The following EVL variants were observed in gnomAD, a reference collection of about 807,000 sequenced individuals.
The protein encoded by EVL is Enah/Vasp-like, also known as ena/VASP-like protein.
EVL carries 21 observed loss-of-function variants against 59.6 expected under a neutral mutation model. The ratio of observed to expected loss-of-function variants is 0.35; its 90% CI spans 0.25 to 0.51. The LOEUF is 0.51. Among genes scored for constraint, EVL ranks in the 20% least tolerant of loss-of-function variants. The probability of loss-of-function intolerance (pLI) is 0.97; values close to 1 mark genes in which losing one functional copy is unlikely to be tolerated. For synonymous variants in EVL, 198 were observed against 203.5 expected, an observed-to-expected ratio of 0.97 and a Z score of 0.23; for missense variants, 462 against 546.6, an observed-to-expected ratio of 0.85 and a Z score of 1.54.
intron 1 of EVL, among the ~76,000 whole-genome samples, chr14:100,047,145 T>TTTA (rs55650233): frequency 7.8e-6 from 1 of 128,006 alleles, no homozygotes; most frequent in South Asian, 2.5e-4. Flanking sequence ...TTTTTTTTTT[T>TTTA]ACCTGACCCC....
At chr14:100,125,308 C>G (rs866871328) in intron 4 of EVL, among the ~76,000 whole-genome samples, 1 of 151,788 alleles carries the variant, frequency 6.6e-6, no homozygotes, top group Non-Finnish European at 1.5e-5. Context: ...GGGAGACTCT[C>G]GCTTGTCCCA....
chr14:100,020,220 T>G (rs1371445312), intron 1 of EVL, among the ~76,000 whole-genome samples: 1 of 152,166 alleles, frequency 6.6e-6, no homozygotes, highest in African/African-American at 2.4e-5. Context: ...CTGATAGTGT[T>G]TTGTTAACAG....
At chr14:99,980,336 A>G (rs1041794489) in intron 1 of EVL, among the ~76,000 whole-genome samples, 13 of 152,210 alleles carry the variant, frequency 8.5e-5, no homozygotes, top group Non-Finnish European at 1.9e-4. Flanking sequence ...AGGCATCTGG[A>G]TCCCAACATC....
intron 1 of EVL, among the ~76,000 whole-genome samples, chr14:100,075,344 T>G (rs150024512): frequency 6.6e-6 from 1 of 152,374 alleles, no homozygotes; most frequent in Non-Finnish European, 1.5e-5. Flanking sequence ...CAGTGTGGGC[T>G]GCTCCGCTCC....
At chr14:100,141,157 C>G in intron 11 of EVL, 23 bp from the exon 12 acceptor site, 3 of 1,612,358 alleles carry the variant, frequency 1.9e-6, no homozygotes, top group Non-Finnish European at 1.7e-6. Flanking sequence ...AGCCAGGGCA[C>G]CCACAGGCCC....
chr14:100,015,868 C>T (rs1392041335), intron 1 of EVL, among the ~76,000 whole-genome samples: 2 of 150,938 alleles, frequency 1.3e-5, no homozygotes, highest in African/African-American at 2.4e-5. Flanking sequence ...GCCAGGAGTT[C>T]GAGACCAGCC....
At chr14:100,131,792 C>T (rs949256502) in intron 7 of EVL, among the ~76,000 whole-genome samples, 9 of 152,160 alleles carry the variant, frequency 5.9e-5, no homozygotes, top group Non-Finnish European at 1.3e-4. Context: ...AGAGAACTGA[C>T]CAGGCTGACA....
chr14:100,022,939 G>A (rs772693715), intron 1 of EVL, among the ~76,000 whole-genome samples: 1 of 152,172 alleles, frequency 6.6e-6, no homozygotes, highest in Non-Finnish European at 1.5e-5. Flanking sequence ...ACTTGCTGGA[G>A]TGCCAGAGAA....
chr14:99,993,671 T>C (rs1313640409), intron 1 of EVL, among the ~76,000 whole-genome samples: 4 of 148,864 alleles, frequency 2.7e-5, no homozygotes, highest in Non-Finnish European at 5.9e-5. Context: ...TCTTTTCAGA[T>C]TGTTTCTTTC....
At chr14:100,090,046 A>G (rs1002758468) in intron 2 of EVL, among the ~76,000 whole-genome samples, 1 of 152,230 alleles carries the variant, frequency 6.6e-6, no homozygotes. Context: ...TCAAGATGGT[A>G]GAAGAAAAAT....
chr14:100,121,700 C>T (rs1313767675), intron 3 of EVL, among the ~76,000 whole-genome samples: 1 of 152,176 alleles, frequency 6.6e-6, no homozygotes, highest in African/African-American at 2.4e-5. Flanking sequence ...GACGTCAGCC[C>T]AGCAGGCAAA....
intron 8 of EVL, chr14:100,135,523 G>T (rs1259995860): frequency 4.6e-6 from 1 of 215,618 alleles, no homozygotes; most frequent in Non-Finnish European, 9.4e-6. Context: ...ACACGGGCAG[G>T]TGTGTGTGCT....
At chr14:99,993,539 C>T (rs1200634024) in intron 1 of EVL, among the ~76,000 whole-genome samples, 5 of 151,930 alleles carry the variant, frequency 3.3e-5, no homozygotes, top group Admixed American at 1.3e-4. Flanking sequence ...TTCAATTCTT[C>T]GGAAGAGTTT....
At chr14:100,110,422 C>T (rs1432368693) in intron 3 of EVL, among the ~76,000 whole-genome samples, 1 of 151,968 alleles carries the variant, frequency 6.6e-6, no homozygotes, top group African/African-American at 2.4e-5. Flanking sequence ...TGTGTGGTGC[C>T]AGCAGCCATC....
In EVL at chr14:100,006,019, C is replaced by T. The variant is rs866682904; in HGVS notation, c.5+33962C>T. On this transcript the variant is annotated intron_variant, in intron 1 of 13. Coordinates refer to the EVL transcript ENST00000402714. Reference sequence around the variant, plus strand: ...CTTTTGCTGGCCATTTCCCCCCCCCCCCCCACACCGACAACACTTTTGTGT... The same window carrying T: ...CTTTTGCTGGCCATTTCCCCCCCCCTCCCCACACCGACAACACTTTTGTGT... Among the ~76,000 whole-genome samples, 128 of 151,152 alleles carry T rather than the reference C, an allele frequency of 8.5e-4. 1 individual carries two copies. The highest frequency in any genetic ancestry group is 3.0e-3 in the African/African-American group (123 of 41,226).
At chr14:99,973,565 C>T (rs1188990581) in intron 1 of EVL, among the ~76,000 whole-genome samples, 1 of 152,122 alleles carries the variant, frequency 6.6e-6, no homozygotes, top group Non-Finnish European at 1.5e-5. Context: ...TGGGTTCAAG[C>T]GATTCTGCTG....
intron 1 of EVL, among the ~76,000 whole-genome samples, chr14:100,022,619 A>C (rs1367252024): frequency 6.6e-6 from 1 of 152,156 alleles, no homozygotes; most frequent in Admixed American, 6.5e-5. Context: ...ATTTTGACTC[A>C]GATGCATTTA....
chr14:99,984,898 A>T (rs952010548), intron 1 of EVL, among the ~76,000 whole-genome samples: 1 of 152,114 alleles, frequency 6.6e-6, no homozygotes, highest in African/African-American at 2.4e-5. Flanking sequence ...TTACAGGCAT[A>T]AGCCACTGTG....
chr14:99,980,795 T>A (rs2060801111), intron 1 of EVL, among the ~76,000 whole-genome samples: 1 of 152,254 alleles, frequency 6.6e-6, no homozygotes, highest in Non-Finnish European at 1.5e-5. Context: ...ATTTACCTTG[T>A]GGGCAGTGAT....
Sources: allele counts gnomAD v4.1 joint callset (sites outside exome capture counted in the v4.1 genomes callset), GRCh38; gene constraint gnomAD v4.1.1; transcripts MANE v1.5; gene names NCBI Gene and HGNC (gene_info 2026-07-23, HGNC 2026-07-21).